The following CA10 variants were observed in gnomAD, a reference collection of about 807,000 sequenced individuals.
CA10 encodes carbonic anhydrase 10 (inactive), also known as carbonic anhydrase-related protein 10.
A neutral mutation model predicts 44.2 loss-of-function variants in CA10; 14 were observed. The ratio of observed to expected loss-of-function variants is 0.32; its 90% CI spans 0.21 to 0.50. The LOEUF (loss-of-function observed/expected upper bound fraction) is 0.50, where lower values mean the gene tolerates loss of function less well. Among genes scored for constraint, CA10 ranks in the 20% least tolerant of loss-of-function variants. The pLI is 0.99. For synonymous variants in CA10, 159 were observed against 141.6 expected, an observed-to-expected ratio of 1.12 and a Z score of -0.87; for missense variants, 350 against 409.7, an observed-to-expected ratio of 0.85 and a Z score of 1.26.
intron 3 of CA10, among the ~76,000 whole-genome samples, chr17:51,852,781 A>G (rs61035092): frequency 0.076 from 11,552 of 152,284 alleles, 647 homozygotes; most frequent in African/African-American, 0.16. Flanking sequence ...GTCAAGGTTA[A>G]GTAACATTTG....
chr17:52,046,415 G>A (rs1469603052), intron 2 of CA10, among the ~76,000 whole-genome samples: 1 of 151,616 alleles, frequency 6.6e-6, no homozygotes, highest in Non-Finnish European at 1.5e-5. Flanking sequence ...GACACCGAAA[G>A]TATACTAAAA....
intron 3 of CA10, among the ~76,000 whole-genome samples, chr17:51,828,474 T>G (rs1300781930): frequency 1.3e-5 from 2 of 152,184 alleles, no homozygotes; most frequent in African/African-American, 4.8e-5. Flanking sequence ...CCTTAATGTA[T>G]TATTGTCCCT....
At chr17:51,783,050 A>C (rs1360412556) in intron 3 of CA10, among the ~76,000 whole-genome samples, 2 of 152,224 alleles carry the variant, frequency 1.3e-5, no homozygotes, top group Non-Finnish European at 2.9e-5. Flanking sequence ...TGAGTGACAT[A>C]ATATGGGAAG....
At chr17:51,939,119 T>A (rs1471266453) in intron 2 of CA10, among the ~76,000 whole-genome samples, 1 of 152,002 alleles carries the variant, frequency 6.6e-6, no homozygotes, top group East Asian at 1.9e-4. Context: ...CAAACATACA[T>A]ACAAATATAT....
chr17:52,052,161 A>C (rs1020651563), intron 2 of CA10, among the ~76,000 whole-genome samples: 1 of 151,874 alleles, frequency 6.6e-6, no homozygotes, highest in African/African-American at 2.4e-5. Flanking sequence ...AGGAGGGATC[A>C]GGAAAAATAA....
chr17:51,826,716 G>A (rs1405831017), intron 3 of CA10, among the ~76,000 whole-genome samples: 1 of 152,136 alleles, frequency 6.6e-6, no homozygotes, highest in Non-Finnish European at 1.5e-5. Context: ...GCCAATGAGG[G>A]GCCCTGGCAG....
intron 3 of CA10, among the ~76,000 whole-genome samples, chr17:51,752,116 G>GA (rs1904913658): frequency 6.6e-6 from 1 of 151,894 alleles, no homozygotes; most frequent in Non-Finnish European, 1.5e-5. Flanking sequence ...CATAGATACC[G>GA]AAATAACATT....
chr17:51,715,501 C>T (rs1598004378), intron 4 of CA10, among the ~76,000 whole-genome samples: 1 of 152,216 alleles, frequency 6.6e-6, no homozygotes, highest in Admixed American at 6.5e-5. Context: ...TTGATACAGG[C>T]ATGCAATGTG....
chr17:51,721,771 A>G (rs929186), intron 4 of CA10, among the ~76,000 whole-genome samples: 99,172 of 152,046 alleles, frequency 0.65, 32,574 homozygotes, highest in Admixed American at 0.73. Context: ...TGAGGTGCTG[A>G]GACGGTGGTG....
intron 1 of CA10, among the ~76,000 whole-genome samples, chr17:52,094,119 G>T (rs1988341619): frequency 6.6e-6 from 1 of 152,034 alleles, no homozygotes; most frequent in South Asian, 2.1e-4. Context: ...ACAGGGAGCG[G>T]AACATCACAC....
Position 52,095,528 on chromosome 17 carries a change from T to C in CA10, c.62-23135A>G, listed in dbSNP as rs1988381366. Among the ~76,000 whole-genome samples, 4 of 152,150 alleles carry C rather than the reference T, an allele frequency of 2.6e-5. No homozygotes were observed. The South Asian group carries it at 8.3e-4, about 31-fold the overall frequency. ...AGCACTCTGTCATGGCAAATGGAAA[T>C]ATATTTGTAACTATACCAGTTTCCT... On this transcript the variant is annotated intron_variant, in intron 1 of 8. Coordinates refer to ENST00000451037, the MANE Select transcript of CA10 (RefSeq NM_020178.5).
At chr17:51,794,506 C>T (rs1906637303) in intron 3 of CA10, among the ~76,000 whole-genome samples, 1 of 152,156 alleles carries the variant, frequency 6.6e-6, no homozygotes, top group Admixed American at 6.5e-5. Flanking sequence ...GACTCCTCCT[C>T]CTAGTCAACT....
chr17:51,947,371 C>T lies in CA10; in HGVS notation c.137-16239G>A, dbSNP rs150823230. ...TAAAATCCGACAAAGGTTCACATAC[C>T]TGAGGTTTGTAAACACAGCATATGT... On this transcript the variant is annotated intron_variant, in intron 2 of 8. Coordinates refer to ENST00000451037, the MANE Select transcript of CA10 (RefSeq NM_020178.5). Among the ~76,000 whole-genome samples the T allele has an allele frequency of 2.9e-3, 446 of 152,082 alleles. 2 individuals are homozygous for T. The highest frequency in any genetic ancestry group is 0.01 in the African/African-American group (431 of 41,496).
At chr17:52,147,148 G>T (rs1016497896) in intron 1 of CA10, among the ~76,000 whole-genome samples, 3 of 152,150 alleles carry the variant, frequency 2.0e-5, no homozygotes, top group African/African-American at 7.2e-5. Flanking sequence ...AATTGGAAAA[G>T]TTACAGTTTC....
chr17:51,881,189 G>A (rs1598097604), intron 3 of CA10, among the ~76,000 whole-genome samples: 1 of 141,402 alleles, frequency 7.1e-6, no homozygotes, highest in African/African-American at 2.6e-5. Flanking sequence ...GAAATGAGCC[G>A]AGATCACGCC....
rs558014863 is a variant in CA10 at position 51,878,143 on chromosome 17, CAAAAAAAAAAA to C, written c.279+52836_279+52846del. On this transcript the variant is annotated intron_variant, in intron 3 of 8. Coordinates refer to ENST00000451037, the MANE Select transcript of CA10 (RefSeq NM_020178.5). ...TGGGTGACAGAGCATGACTCCGTCT[CAAAAAAAAAAA>C]AAAAAAAAAAAAAGAAAAAGGAAAA... is the stretch of plus-strand genomic sequence containing the variant. Among the ~76,000 whole-genome samples, 5 of 63,688 alleles carry C rather than the reference CAAAAAAAAAAA, an allele frequency of 7.9e-5. 1 individual carries two copies. The South Asian group carries it at 2.7e-3, about 34-fold the overall frequency. The allele number at this position is 63,688 out of a possible 152,430, so 41.8% of individuals were successfully genotyped here.
chr17:52,016,149 G>C (rs1000252812), intron 2 of CA10, among the ~76,000 whole-genome samples: 4 of 152,086 alleles, frequency 2.6e-5, no homozygotes, highest in Non-Finnish European at 4.4e-5. Context: ...GGGGCTTTCA[G>C]ACACCAGGAT....
At chr17:51,661,827 A>AG (rs1474099182) in intron 4 of CA10, 3 of 152,244 alleles carry the variant, frequency 2.0e-5, no homozygotes, top group Non-Finnish European at 4.4e-5. Context: ...ACTGTAATTC[A>AG]GGGGTCAGCA....
At chr17:51,964,529 TA>T (rs899446727) in intron 2 of CA10, among the ~76,000 whole-genome samples, 4 of 150,968 alleles carry the variant, frequency 2.6e-5, no homozygotes, top group Non-Finnish European at 4.4e-5. Context: ...CTCAATAATT[TA>T]AAAAAAAATT....
Sources: gnomAD v4.1 joint callset for allele counts (sites outside exome capture counted in the v4.1 genomes callset) on GRCh38, gnomAD v4.1.1 for gene constraint, MANE v1.5 for transcripts, NCBI Gene and HGNC (gene_info 2026-07-23, HGNC 2026-07-21) for gene names.